The following SH3RF1 variants were observed in gnomAD, a reference collection of about 807,000 sequenced individuals.
SH3RF1 encodes E3 ubiquitin-protein ligase SH3RF1.
A neutral mutation model predicts 74.0 loss-of-function variants in SH3RF1; 32 were observed. That is an observed-to-expected ratio of 0.43 (90% CI 0.33 to 0.58). The LOEUF is 0.58. SH3RF1 is among the 20% of genes least tolerant of loss of function. The probability of loss-of-function intolerance (pLI) is 0.05; values close to 1 mark genes in which losing one functional copy is unlikely to be tolerated. For missense variants in SH3RF1, 954 were observed against 1,130.9 expected, an observed-to-expected ratio of 0.84 and a Z score of 2.24; for synonymous variants, 396 against 439.6, an observed-to-expected ratio of 0.90 and a Z score of 1.24.
chr4:169,203,647 A>G (rs1561052214), intron 2 of SH3RF1, among the ~76,000 whole-genome samples: 1 of 152,184 alleles, frequency 6.6e-6, no homozygotes, highest in Non-Finnish European at 1.5e-5. Context: ...GGAATATTTA[A>G]ATGATAGAAA....
rs199805065 is a variant in SH3RF1 at position 169,212,453 on chromosome 4, C to A, written c.394-55774G>T. On this transcript the variant is annotated intron_variant, in intron 2 of 11. Coordinates refer to ENST00000284637, the MANE Select transcript of SH3RF1 (RefSeq NM_020870.4). ...TCTGGCTTGATACAAGAGAATGACACAATAATCCCAGGACTTTTTAATATT... is the reference window on the plus strand; with the variant it reads ...TCTGGCTTGATACAAGAGAATGACAAAATAATCCCAGGACTTTTTAATATT... 2.2e-4 allele frequency among the ~76,000 whole-genome samples: 34 copies of A among 152,258 alleles called. No individual in the cohort carries two copies. In the South Asian group the frequency reaches 6.6e-3, roughly 30 times the overall value.
At chr4:169,265,576 C>T (rs1022608540) in intron 2 of SH3RF1, among the ~76,000 whole-genome samples, 4 of 152,104 alleles carry the variant, frequency 2.6e-5, no homozygotes, top group Admixed American at 1.3e-4. Context: ...CAGGTTCAAG[C>T]GATTCTCCAG....
At chr4:169,249,832 A>C (rs1731069445) in intron 2 of SH3RF1, among the ~76,000 whole-genome samples, 1 of 152,194 alleles carries the variant, frequency 6.6e-6, no homozygotes, top group Non-Finnish European at 1.5e-5. Context: ...GATTTCAATG[A>C]GTTGTACATA....
chr4:169,108,392 T>C (rs1733182505), intron 10 of SH3RF1, among the ~76,000 whole-genome samples: 1 of 152,182 alleles, frequency 6.6e-6, no homozygotes, highest in Non-Finnish European at 1.5e-5. Flanking sequence ...CATTGTTCCA[T>C]TAGAGACAGT....
chr4:169,155,716 G>T (rs1477373270), intron 3 of SH3RF1, 141 bp from the exon 4 acceptor site: 1 of 649,630 alleles, frequency 1.5e-6, no homozygotes, highest in Non-Finnish European at 2.7e-6. Context: ...TTTAGTACAT[G>T]GATTAAATGT....
Position 169,107,186 on chromosome 4 carries a change from A to G in SH3RF1, c.2159T>C (p.Leu720Ser). ...KDSKKEKKGL[L>S]KLLSGASTKR... is the part of the protein sequence containing the mutation. ...AGTGGAGGCGCCAGAAAGCAACTTC[A>G]ACAAACCCTTTTTTTCTTTCTGGAA... is the stretch of plus-strand genomic sequence containing the variant. The change falls in exon 11 of 12, where the codon TTG becomes TCG. Residue 720 changes from leucine (L) to serine (S), a missense_variant. By Grantham distance (145) the Leu-to-Ser change is moderately radical (BLOSUM62 -2). Coordinates refer to ENST00000284637, the MANE Select transcript of SH3RF1 (RefSeq NM_020870.4). 1 of 1,551,200 alleles carries G rather than the reference A, an allele frequency of 6.4e-7. No homozygotes were observed. Among genetic ancestry groups the G allele is most frequent in the Non-Finnish European group, 8.7e-7 (1 of 1,149,946 alleles).
At position 169,136,354 on chromosome 4, in the gene SH3RF1, G is replaced by A. The variant is rs1030645131; in HGVS notation, c.1032C>T (p.Ser344=). The A allele has an allele frequency of 4.6e-6, 7 of 1,522,402 alleles. No individual in the cohort carries two copies. The highest frequency in any genetic ancestry group is 6.2e-6 in the Non-Finnish European group (7 of 1,136,226). 94.3% of individuals were successfully genotyped at this position (1,522,402 alleles called of 1,614,324 possible). A position where few individuals can be genotyped will look rare whatever the true frequency, so the allele number is the denominator to read the frequency against. ...SSNPTAAARI[S]ELSGLSCSAP... ...CACTGCAGGAGAGCCCAGACAGCTC[G>A]CTGATCCGTGCAGCAGCAGTGGGGT... Residue 344 remains serine (S), a synonymous_variant, in exon 5 of 12, where the codon AGC becomes AGT. Coordinates refer to ENST00000284637, the MANE Select transcript of SH3RF1 (RefSeq NM_020870.4).
At chr4:169,225,846 G>C (rs1730647404) in intron 2 of SH3RF1, among the ~76,000 whole-genome samples, 1 of 152,136 alleles carries the variant, frequency 6.6e-6, no homozygotes, top group Admixed American at 6.5e-5. Context: ...GAAGTTGCAG[G>C]ATGATATGAC....
chr4:169,178,449 C>G (rs1362020613), intron 2 of SH3RF1, among the ~76,000 whole-genome samples: 1 of 151,912 alleles, frequency 6.6e-6, no homozygotes, highest in Non-Finnish European at 1.5e-5. Context: ...TTCCTCACAT[C>G]AGGACGAGGA....
chr4:169,229,469 C>T (rs914146845), intron 2 of SH3RF1, among the ~76,000 whole-genome samples: 3 of 151,536 alleles, frequency 2.0e-5, no homozygotes, highest in Non-Finnish European at 2.9e-5. Context: ...ATACCACCCC[C>T]CCACCCAAAA....
chr4:169,202,665 C>CGAG (rs1416635717), intron 2 of SH3RF1, among the ~76,000 whole-genome samples: 14 of 152,188 alleles, frequency 9.2e-5, no homozygotes, highest in Non-Finnish European at 1.8e-4. Flanking sequence ...AGCCTGCCTC[C>CGAG]CTATTTCTAC....
intron 10 of SH3RF1, among the ~76,000 whole-genome samples, chr4:169,115,236 G>T (rs1430216589): frequency 1.3e-5 from 2 of 152,120 alleles, no homozygotes; most frequent in African/African-American, 2.4e-5. Context: ...AAGGAACCAT[G>T]CTGCTTAAGG....
At chr4:169,248,499 C>T (rs1731045710) in intron 2 of SH3RF1, among the ~76,000 whole-genome samples, 1 of 151,868 alleles carries the variant, frequency 6.6e-6, no homozygotes, top group Admixed American at 6.6e-5. Context: ...GGGTGGGAGG[C>T]AAGGAAAGGG....
At chr4:169,226,669 TG>T (rs1246172008) in intron 2 of SH3RF1, among the ~76,000 whole-genome samples, 2 of 152,162 alleles carry the variant, frequency 1.3e-5, no homozygotes, top group Non-Finnish European at 2.9e-5. Flanking sequence ...TTGGCCACAG[TG>T]CACCATCAAT....
At chr4:169,176,233 G>C (rs913879138) in intron 2 of SH3RF1, among the ~76,000 whole-genome samples, 26 of 152,128 alleles carry the variant, frequency 1.7e-4, no homozygotes, top group African/African-American at 5.8e-4. Context: ...TTGGTGAAAG[G>C]AATAAACAAG....
intron 2 of SH3RF1, among the ~76,000 whole-genome samples, chr4:169,253,735 A>G (rs1731141287): frequency 6.6e-6 from 1 of 152,208 alleles, no homozygotes; most frequent in Non-Finnish European, 1.5e-5. Context: ...AACATTTTGC[A>G]TTCTAAAAGA....
At chr4:169,106,190 G>GC (rs1468431982) in intron 11 of SH3RF1, among the ~76,000 whole-genome samples, 1 of 151,966 alleles carries the variant, frequency 6.6e-6, no homozygotes, top group East Asian at 1.9e-4. Flanking sequence ...TCCACTCACT[G>GC]CAACCTCTGC....
At chr4:169,141,914 G>A (rs958750748) in intron 4 of SH3RF1, among the ~76,000 whole-genome samples, 11 of 150,982 alleles carry the variant, frequency 7.3e-5, no homozygotes, top group African/African-American at 2.0e-4. Context: ...CCAGGTTCAC[G>A]TCATTCTCCG....
intron 2 of SH3RF1, among the ~76,000 whole-genome samples, chr4:169,186,672 T>A (rs1017447135): frequency 1.3e-5 from 2 of 150,370 alleles, no homozygotes; most frequent in Non-Finnish European, 3.0e-5. Context: ...CAATAAGGAA[T>A]CTCTCCTTTA....
Sources: allele counts gnomAD v4.1 joint callset (sites outside exome capture counted in the v4.1 genomes callset), GRCh38; gene constraint gnomAD v4.1.1; transcripts MANE v1.5; gene names NCBI Gene and HGNC (gene_info 2026-07-23, HGNC 2026-07-21).